Variants in BRAF observed in about 807,000 individuals in gnomAD.
The protein encoded by BRAF is B-Raf proto-oncogene, serine/threonine kinase, also known as serine/threonine-protein kinase B-raf.
Under a neutral mutation model 104.6 loss-of-function variants are expected in BRAF, and 16 were observed. The observed-to-expected ratio is 0.15, with a 90% CI of 0.10 to 0.23. The LOEUF (loss-of-function observed/expected upper bound fraction) is 0.23, where lower values mean the gene tolerates loss of function less well. BRAF is among the 10% of genes least tolerant of loss of function. The probability of loss-of-function intolerance (pLI) is 1.00; values close to 1 mark genes in which losing one functional copy is unlikely to be tolerated. For synonymous variants in BRAF, 310 were observed against 341.6 expected, an observed-to-expected ratio of 0.91 and a Z score of 1.02; for missense variants, 541 against 937.3, an observed-to-expected ratio of 0.58 and a Z score of 5.52.
intron 1 of BRAF, among the ~76,000 whole-genome samples, chr7:140,897,493 CTTTT>C (rs1177553423): frequency 5.7e-5 from 6 of 105,758 alleles, no homozygotes; most frequent in Non-Finnish European, 1.1e-4. Flanking sequence ...TTTCTTTTTT[CTTTT>C]TTTTTTTTTT....
intron 3 of BRAF, among the ~76,000 whole-genome samples, chr7:140,827,988 C>G (rs1327705162): frequency 6.6e-6 from 1 of 152,142 alleles, no homozygotes; most frequent in African/African-American, 2.4e-5. Context: ...CCTCCACCTC[C>G]CAGGTTCAAG....
chr7:140,845,664 G>GA (rs1808465004), intron 2 of BRAF, among the ~76,000 whole-genome samples: 2 of 151,794 alleles, frequency 1.3e-5, no homozygotes, highest in African/African-American at 4.8e-5. Context: ...ATGAGGCTAT[G>GA]TTTTTTTTGT....
intron 1 of BRAF, among the ~76,000 whole-genome samples, chr7:140,867,949 A>C (rs1214675487): frequency 6.6e-6 from 1 of 152,192 alleles, no homozygotes; most frequent in Non-Finnish European, 1.5e-5. Context: ...GAAGCTTAAA[A>C]TGCAAATATG....
At chr7:140,713,881 C>G in the BRAF span, among the ~76,000 whole-genome samples, 10 of 152,040 alleles carry the variant, frequency 6.6e-5, no homozygotes, top group Non-Finnish European at 1.2e-4. Context: ...CACTCCAGAC[C>G]CTGTTTGCCT....
chr7:140,790,352 C>T (rs1801828647), intron 8 of BRAF, among the ~76,000 whole-genome samples: 3 of 152,128 alleles, frequency 2.0e-5, no homozygotes, highest in East Asian at 1.9e-4. Flanking sequence ...TTCTAGGTTA[C>T]AAAGGTTCTT....
chr7:140,722,981 C>T lies in BRAF; in HGVS notation c.*3513G>A. 2 of 1,054,034 alleles carry T rather than the reference C, an allele frequency of 1.9e-6. No homozygotes were observed. The highest frequency in any genetic ancestry group is 2.3e-6 in the Non-Finnish European group (2 of 872,326). The allele number at this position is 1,054,034 out of a possible 1,614,324, so 65.3% of individuals were successfully genotyped here. A position where few individuals can be genotyped will look rare whatever the true frequency, so the allele number is the denominator to read the frequency against. On this transcript the variant is annotated 3_prime_UTR_variant, in exon 20 of 20. Transcript: ENST00000644969. Reference sequence around the variant, plus strand: ...AAATGAGAGTGCTCAAATACAAGTACACAAAAAAGTTAAAATCTTAAATCA... The same window carrying T: ...AAATGAGAGTGCTCAAATACAAGTATACAAAAAAGTTAAAATCTTAAATCA...
At chr7:140,848,851 G>C (rs573186078) in intron 2 of BRAF, among the ~76,000 whole-genome samples, 109 of 152,290 alleles carry the variant, frequency 7.2e-4, no homozygotes, top group African/African-American at 2.4e-3. Context: ...ACATGAAGAA[G>C]AGGAGAAAGA....
chr7:140,859,399 C>T (rs926032786), intron 1 of BRAF, among the ~76,000 whole-genome samples: 3 of 152,188 alleles, frequency 2.0e-5, no homozygotes, highest in African/African-American at 7.2e-5. Context: ...TGTGTCTGGC[C>T]AGTGCACACA....
rs371439863 is a variant in BRAF, at chr7:140,858,766, A to G, written c.139-8554T>C. Among the ~76,000 whole-genome samples, 74 of 152,310 alleles carry G rather than the reference A, an allele frequency of 4.9e-4. 2 individuals carry two copies. In the South Asian group the frequency reaches 0.015, roughly 31 times the overall value. ...CCTTTTTCTTAGGAGATATACACAC[A>G]GTAAAATGTTAACAATCATTGAATC... is the stretch of plus-strand genomic sequence containing the variant. On this transcript the variant is annotated intron_variant, in intron 1 of 19. Transcript: ENST00000644969.
chr7:140,851,813 C>A (rs1358159253), intron 1 of BRAF, among the ~76,000 whole-genome samples: 1 of 152,156 alleles, frequency 6.6e-6, no homozygotes, highest in Non-Finnish European at 1.5e-5. Flanking sequence ...GTATTTCTTA[C>A]AAAGTTGAGC....
chr7:140,872,241 AAATT>A (rs962432755), intron 1 of BRAF, among the ~76,000 whole-genome samples: 74 of 151,942 alleles, frequency 4.9e-4, no homozygotes, highest in African/African-American at 1.3e-3. Flanking sequence ...ATAAATAAAT[AAATT>A]GCACAGAACA....
chr7:140,783,412 T>C (rs968192584), intron 10 of BRAF: 8 of 358,134 alleles, frequency 2.2e-5, no homozygotes, highest in Non-Finnish European at 4.0e-5. Flanking sequence ...TATTTACTGG[T>C]GCAAAATCTA....
intron 18 of BRAF, among the ~76,000 whole-genome samples, chr7:140,736,227 C>T (rs557279044): frequency 3.0e-4 from 45 of 151,034 alleles, no homozygotes; most frequent in Admixed American, 2.0e-3. Context: ...TGTGCCACCA[C>T]GCCCGGATAA....
At chr7:140,823,939 C>T (rs1805742504) in intron 3 of BRAF, 1 of 152,122 alleles carries the variant, frequency 6.6e-6, no homozygotes. Context: ...TTCATATGCT[C>T]GTGGCCATCT....
intron 1 of BRAF, among the ~76,000 whole-genome samples, chr7:140,866,527 A>G (rs760585580): frequency 3.9e-5 from 6 of 152,234 alleles, no homozygotes; most frequent in Non-Finnish European, 7.3e-5. Flanking sequence ...CAGGTAGTTT[A>G]TAAGTGCTGG....
chr7:140,906,884 T>C (rs1021265809), intron 1 of BRAF, among the ~76,000 whole-genome samples: 4 of 152,222 alleles, frequency 2.6e-5, no homozygotes, highest in African/African-American at 9.6e-5. Flanking sequence ...TTCCTATGAT[T>C]TGTCTGGGTG....
chr7:140,783,882 C>T (rs1200733047), intron 10 of BRAF, among the ~76,000 whole-genome samples: 5 of 152,230 alleles, frequency 3.3e-5, no homozygotes, highest in Non-Finnish European at 5.9e-5. Flanking sequence ...GCTATGGCCT[C>T]TCAGCCAAGT....
At chr7:140,800,083 C>A in intron 7 of BRAF, 2 of 455,470 alleles carry the variant, frequency 4.4e-6, no homozygotes, top group Non-Finnish European at 4.0e-6. Flanking sequence ...CCAGGAGATC[C>A]AAAAGAAAGC....
At chr7:140,841,525 T>G (rs932963330) in intron 2 of BRAF, among the ~76,000 whole-genome samples, 4 of 152,112 alleles carry the variant, frequency 2.6e-5, no homozygotes, top group Non-Finnish European at 5.9e-5. Context: ...AAACAAAACA[T>G]GATATATGTG....
Sources: allele counts gnomAD v4.1 joint callset (sites outside exome capture counted in the v4.1 genomes callset), GRCh38; gene constraint gnomAD v4.1.1; transcripts MANE v1.5; gene names NCBI Gene and HGNC (gene_info 2026-07-23, HGNC 2026-07-21).